SHF: variants seen among roughly 807,000 people sequenced by gnomAD.
SHF encodes the protein Src homology 2 domain containing F.
A neutral mutation model predicts 42.4 loss-of-function variants in SHF; 30 were observed. The ratio of observed to expected loss-of-function variants is 0.71; its 90% CI spans 0.53 to 0.96. SHF has a LOEUF of 0.96. Ranked by LOEUF, SHF falls within the 40% of genes least tolerant of loss-of-function variation. The probability of loss-of-function intolerance (pLI) is 0.00; values close to 1 mark genes in which losing one functional copy is unlikely to be tolerated. For synonymous variants in SHF, 264 were observed against 269.9 expected (o/e 0.98, Z 0.21); for missense variants, 598 against 634.0 (o/e 0.94, Z 0.61).
rs1259658137 is a variant in SHF at position 45,187,537 on chromosome 15, G to C, written c.415C>G (p.Arg139Gly). The C allele has an allele frequency of 8.1e-7, 1 of 1,229,514 alleles. No homozygotes were observed. The highest frequency in any genetic ancestry group is 1.0e-6 in the Non-Finnish European group (1 of 985,618). The allele number at this position is 1,229,514 out of a possible 1,614,324, so 76.2% of individuals were successfully genotyped here. A position where few individuals can be genotyped will look rare whatever the true frequency, so the allele number is the denominator to read the frequency against. ...PPPRHGSPPHRLIRVETPGPP... is the reference protein window; with the variant it reads ...PPPRHGSPPHGLIRVETPGPP... ...CCCGGGGTCTCGACCCGAATAAGGCGGTGTGGGGGAGAGCCGTGGCGCGGG... is the reference window on the plus strand; with the variant it reads ...CCCGGGGTCTCGACCCGAATAAGGCCGTGTGGGGGAGAGCCGTGGCGCGGG... Residue 139 changes from arginine (R) to glycine (G), a missense_variant, in exon 1 of 7, where the codon CGC becomes GGC. This residue lies in a region of SHF where 439 missense variants were observed against 524.6 expected (regional missense o/e 0.84). Transcript: ENST00000690270.
intron 1 of SHF, among the ~76,000 whole-genome samples, chr15:45,185,497 A>G (rs1351790068): frequency 6.6e-6 from 1 of 152,204 alleles, no homozygotes; most frequent in Non-Finnish European, 1.5e-5. Context: ...GCCCAGAGAG[A>G]TAGCATCCCT....
At chr15:45,185,348 A>G (rs1416387554) in intron 1 of SHF, among the ~76,000 whole-genome samples, 1 of 152,212 alleles carries the variant, frequency 6.6e-6, no homozygotes, top group Non-Finnish European at 1.5e-5. Context: ...CACATCCAGG[A>G]GCAGCATCTC....
In SHF at chr15:45,168,133, C is replaced by T. The variant is rs368855617; in HGVS notation, c.1281G>A (p.Lys427=). The T allele has an allele frequency of 2.8e-5, 44 of 1,583,746 alleles. No homozygotes were observed. The African/African-American group carries it at 4.8e-4, about 17-fold the overall frequency. Residue 427 remains lysine (K), a splice_region_variant and synonymous_variant, in exon 7 of 7, where the codon AAG becomes AAA. Transcript: ENST00000690270. ...TSKNDFSLSL[K]SSQGFMHMKL... ...TCATGTGCATGAATCCCTGGCTGCT[C>T]CTGGGAAGAGGAGAGGAGACTTTGG...
chr15:45,190,956 C>A (rs971629191), upstream of SHF, among the ~76,000 whole-genome samples: 1 of 152,172 alleles, frequency 6.6e-6, no homozygotes, highest in Non-Finnish European at 1.5e-5. Context: ...GCAGTTTGAG[C>A]ACCTCATGGA....
At chr15:45,171,117 A>T (rs1897463278) in intron 6 of SHF, 1 of 153,458 alleles carries the variant, frequency 6.5e-6, no homozygotes, top group Non-Finnish European at 1.4e-5. Flanking sequence ...CCTACTAGTG[A>T]TGGTGGGGGG....
rs71114315 is a variant in SHF at position 45,175,819 on chromosome 15, C to CT, written c.641-395dup. Among the ~76,000 whole-genome samples, 35 of 126,062 alleles carry CT rather than the reference C, an allele frequency of 2.8e-4. 1 individual carries two copies. Among genetic ancestry groups the CT allele is most frequent in the East Asian group, 1.1e-3 (5 of 4,580 alleles). The allele number at this position is 126,062 out of a possible 152,430, so 82.7% of individuals were successfully genotyped here. The stretch of plus-strand genomic sequence containing the variant: ...ATCATTCCTTTTTTCTTTTTCTTTT[C>CT]TTTTTTTTTTTTTTTTTGAGACGGA... On this transcript the variant is annotated intron_variant, in intron 2 of 6. Coordinates refer to ENST00000690270, the MANE Select transcript of SHF (RefSeq NM_001394037.1).
At position 45,172,208 on chromosome 15, in the gene SHF, T is replaced by C; in HGVS notation, c.1099A>G (p.Met367Val). 6.2e-7 allele frequency: 1 copy of C among 1,613,882 alleles called. No individual in the cohort carries two copies. Among genetic ancestry groups the C allele is most frequent in the Non-Finnish European group, 8.5e-7 (1 of 1,179,830 alleles). ...TCCCCCAGGGGGCTGCTGGGCTCCA[T>C]GCTTAGGGGTTTGGCTGACTTGGGG... is the stretch of plus-strand genomic sequence containing the variant. ...GNPKSAKPLS[M>V]EPSSPLGEWT... is the part of the protein sequence containing the mutation. Residue 367 changes from methionine (M) to valine (V), a missense_variant, in exon 5 of 7, where the codon ATG becomes GTG. Physicochemically the swap from Met to Val is conservative, Grantham distance 21. Transcript: ENST00000690270.
chr15:45,197,181 C>A (rs548846002), intron 2 of SHF, among the ~76,000 whole-genome samples: 6 of 148,074 alleles, frequency 4.1e-5, no homozygotes, highest in African/African-American at 1.5e-4. Flanking sequence ...GAGGCCAGTT[C>A]CAGGCTGCAG....
intron 6 of SHF, chr15:45,170,776 C>T (rs116854199): frequency 5.7e-5 from 13 of 229,420 alleles, no homozygotes; most frequent in South Asian, 2.0e-4. Context: ...CTCAGCCTCC[C>T]GAGTAGCTGG....
At chr15:45,192,348 C>T (rs1281055373), upstream of SHF, among the ~76,000 whole-genome samples, 64 of 103,196 alleles carry the variant, frequency 6.2e-4, no homozygotes, top group Admixed American at 8.5e-4. Context: ...TTTTTTTTTT[C>T]TGATTCCAGA....
chr15:45,177,874 T>A (rs951902015), intron 2 of SHF, among the ~76,000 whole-genome samples: 11 of 152,324 alleles, frequency 7.2e-5, no homozygotes, highest in African/African-American at 2.6e-4. Context: ...AGTGGTTCTC[T>A]TTTTGGGATC....
At chr15:45,201,009 C>A in exon 1 of SHF, 1 of 352,382 alleles carries the variant, frequency 2.8e-6, no homozygotes, top group Non-Finnish European at 5.7e-6. Context: ...GAGTCCACAG[C>A]GCTCCCGGCT....
intron 2 of SHF, among the ~76,000 whole-genome samples, chr15:45,176,505 C>G (rs1897817737): frequency 6.6e-6 from 1 of 151,998 alleles, no homozygotes; most frequent in Admixed American, 6.6e-5. Context: ...CATTTGGCCT[C>G]TCCCTAGATC....
At chr15:45,171,217 C>A in intron 6 of SHF, 1 of 153,754 alleles carries the variant, frequency 6.5e-6, no homozygotes, top group South Asian at 2.0e-4. Context: ...GCTGGCCATG[C>A]TACCAGGGAG....
upstream of SHF, among the ~76,000 whole-genome samples, chr15:45,188,423 G>T (rs1898589616): frequency 6.6e-6 from 1 of 152,168 alleles, no homozygotes; most frequent in African/African-American, 2.4e-5. Flanking sequence ...GCAAGAAAAG[G>T]GGCTAGGTTC....
Position 45,187,336 on chromosome 15 carries a change from C to T in SHF, c.498+118G>A. The T allele has an allele frequency of 4.9e-6, 5 of 1,016,348 alleles. No homozygotes were observed. The African/African-American group carries it at 5.0e-5, about 10-fold the overall frequency. The allele number at this position is 1,016,348 out of a possible 1,614,324, so 63.0% of individuals were successfully genotyped here. ...TCGGAACCCCGGGGTCAGGGGCTCG[C>T]GTCTGCCAGAAGCTGAGACACCGAG... is the stretch of plus-strand genomic sequence containing the variant. On this transcript the variant is annotated intron_variant, in intron 1 of 6. Coordinates refer to ENST00000690270, the MANE Select transcript of SHF (RefSeq NM_001394037.1).
In SHF at chr15:45,173,501, GCTC is replaced by G. The variant is rs1156320980; in HGVS notation, c.988+72_988+74del. ...TCTCCAAATCCTGCCCCACCTCTCA[GCTC>G]CTCCAACCCAACCCACAGGGCCTGG... On this transcript the variant is annotated intron_variant, in intron 4 of 6. Coordinates refer to ENST00000690270, the MANE Select transcript of SHF (RefSeq NM_001394037.1). 4 of 1,427,534 alleles carry G rather than the reference GCTC, an allele frequency of 2.8e-6. No individual in the cohort carries two copies. In the African/African-American group the frequency reaches 5.8e-5, roughly 21 times the overall value. The allele number at this position is 1,427,534 out of a possible 1,614,324, so 88.4% of individuals were successfully genotyped here.
chr15:45,198,956 G>A, exon 2 of SHF: 1 of 1,613,866 alleles, frequency 6.2e-7, no homozygotes, highest in Non-Finnish European at 8.5e-7. Context: ...GGGCTGGGCG[G>A]AACTCAGACT....
intron 2 of SHF, among the ~76,000 whole-genome samples, chr15:45,193,490 C>CA (rs1464149547): frequency 6.6e-6 from 1 of 152,106 alleles, no homozygotes; most frequent in Admixed American, 6.6e-5. Flanking sequence ...GAGGAATAGT[C>CA]ACTTATGCCT....
Sources: gnomAD v4.1 joint callset for allele counts (sites outside exome capture counted in the v4.1 genomes callset) on GRCh38, gnomAD v4.1.1 for gene constraint, gnomAD v4.1.1 regional missense constraint, MANE v1.5 for transcripts, NCBI Gene and HGNC (gene_info 2026-07-23, HGNC 2026-07-21) for gene names.